LRRC37A2: variants seen among roughly 807,000 people sequenced by gnomAD.
LRRC37A2 encodes the protein leucine-rich repeat-containing protein 37A2.
In LRRC37A2, 9 loss-of-function variants were observed where a neutral mutation model predicts 68.8. The ratio of observed to expected loss-of-function variants is 0.13; its 90% confidence interval spans 0.08 to 0.23. LRRC37A2 has a LOEUF of 0.23. LRRC37A2 is among the 10% of genes least tolerant of loss of function. The pLI is 1.00. For synonymous variants in LRRC37A2, 63 were observed against 367.6 expected, an observed-to-expected ratio of 0.17 and a Z score of 9.48; for missense variants, 168 against 950.4, an observed-to-expected ratio of 0.18 and a Z score of 10.82.
At chr17:46,903,331 T>C in the LRRC37A2 span, among the ~76,000 whole-genome samples, 1 of 151,726 alleles carries the variant, frequency 6.6e-6, no homozygotes, top group Non-Finnish European at 1.5e-5. Flanking sequence ...ACTTCAGTTA[T>C]TACAGGAATT....
chr17:46,851,746 C>A, the LRRC37A2 span: 1 of 1,182,160 alleles, frequency 8.5e-7, no homozygotes, highest in Non-Finnish European at 1.1e-6. This position sits in a 1 kb window ranked among gnomAD's most constrained non-coding sequence, Gnocchi z 4.3. Flanking sequence ...CCGCCCGCTC[C>A]CCGGCCTGCC....
At chr17:46,779,053 T>TCACTCACACACACACACA in the LRRC37A2 span, among the ~76,000 whole-genome samples, 4 of 100,612 alleles carry the variant, frequency 4.0e-5, no homozygotes, top group Admixed American at 2.4e-4. Flanking sequence ...CCCTACCCCA[T>TCACTCACACACACACACA]CACACACACA....
At chr17:46,921,672 G>A in the LRRC37A2 span, among the ~76,000 whole-genome samples, 1 of 152,196 alleles carries the variant, frequency 6.6e-6, no homozygotes, top group Non-Finnish European at 1.5e-5. Flanking sequence ...AGTGGGCGAA[G>A]GATATGAACA....
the LRRC37A2 span, among the ~76,000 whole-genome samples, chr17:47,029,294 T>C: frequency 6.6e-6 from 1 of 152,062 alleles, no homozygotes; most frequent in African/African-American, 2.4e-5. Context: ...AAAAAAACTT[T>C]TGTAAAGAAA....
chr17:46,808,254 C>A, the LRRC37A2 span, among the ~76,000 whole-genome samples: 1 of 152,226 alleles, frequency 6.6e-6, no homozygotes, highest in Admixed American at 6.5e-5. Flanking sequence ...ACTGTGCAAT[C>A]CCAGCTTGAG....
At chr17:46,765,392 G>A in the LRRC37A2 span, among the ~76,000 whole-genome samples, 1 of 152,310 alleles carries the variant, frequency 6.6e-6, no homozygotes, top group Admixed American at 6.5e-5. Context: ...CACTTGTAAG[G>A]CACCAAATCA....
At chr17:46,965,026 T>A in the LRRC37A2 span, 1 of 151,908 alleles carries the variant, frequency 6.6e-6, no homozygotes, top group Non-Finnish European at 1.5e-5. Context: ...TTCACTGGAG[T>A]TTTTCACCCT....
chr17:46,835,106 C>T, the LRRC37A2 span, among the ~76,000 whole-genome samples: 2 of 152,196 alleles, frequency 1.3e-5, no homozygotes, highest in East Asian at 3.8e-4. Flanking sequence ...GTGATCCTCC[C>T]ACCTCAGCCT....
At chr17:46,848,663 T>G in the LRRC37A2 span, among the ~76,000 whole-genome samples, 1 of 152,234 alleles carries the variant, frequency 6.6e-6, no homozygotes, top group Non-Finnish European at 1.5e-5. Flanking sequence ...GGATGTATAA[T>G]GCAAAGGTGT....
the LRRC37A2 span, among the ~76,000 whole-genome samples, chr17:47,007,610 G>A: frequency 2.0e-5 from 3 of 152,192 alleles, no homozygotes; most frequent in African/African-American, 7.2e-5. Context: ...TACATCAAAT[G>A]AATCTTTGGC....
the LRRC37A2 span, chr17:46,941,007 T>C: frequency 1.8e-6 from 2 of 1,132,190 alleles, no homozygotes; most frequent in South Asian, 4.6e-5. Flanking sequence ...CACCCTCTAG[T>C]GGAGGCGGGG....
the LRRC37A2 span, among the ~76,000 whole-genome samples, chr17:46,812,575 G>A: frequency 2.0e-5 from 3 of 152,094 alleles, no homozygotes; most frequent in Non-Finnish European, 4.4e-5. Context: ...GGGGGTCGGG[G>A]AATGATTAGG....
chr17:46,809,050 G>A, the LRRC37A2 span, among the ~76,000 whole-genome samples: 2 of 152,214 alleles, frequency 1.3e-5, no homozygotes, highest in African/African-American at 4.8e-5. Flanking sequence ...GTCAGAGAGA[G>A]GAGGTGGAAG....
At chr17:46,758,955 C>G in the LRRC37A2 span, among the ~76,000 whole-genome samples, 1 of 152,176 alleles carries the variant, frequency 6.6e-6, no homozygotes, top group African/African-American at 2.4e-5. Context: ...CTTGTAATCC[C>G]AGAGCTTTGG....
chr17:46,875,022 C>A, the LRRC37A2 span: 1 of 1,608,422 alleles, frequency 6.2e-7, no homozygotes, highest in Non-Finnish European at 8.5e-7. Flanking sequence ...CCTCAGAGGG[C>A]GGCAGGCAAC....
chr17:46,874,190 G>C, the LRRC37A2 span, among the ~76,000 whole-genome samples: 5 of 152,266 alleles, frequency 3.3e-5, 1 homozygote, highest in Middle Eastern at 6.8e-3. Flanking sequence ...ACCCAGCAGA[G>C]AGGAGTGTCG....
chr17:46,958,257 C>T, the LRRC37A2 span, among the ~76,000 whole-genome samples: 1 of 152,200 alleles, frequency 6.6e-6, no homozygotes, highest in Non-Finnish European at 1.5e-5. Flanking sequence ...TCACATTTTA[C>T]AGGCATACAA....
chr17:47,000,549 G>GT, the LRRC37A2 span, among the ~76,000 whole-genome samples: 1 of 151,746 alleles, frequency 6.6e-6, no homozygotes, highest in South Asian at 2.1e-4. Flanking sequence ...TTACTTTTTT[G>GT]GGGGAAGCTT....
chr17:46,826,526 G>A, the LRRC37A2 span, among the ~76,000 whole-genome samples: 2 of 152,326 alleles, frequency 1.3e-5, no homozygotes, highest in East Asian at 3.9e-4. Flanking sequence ...AATCCTCTCT[G>A]AGTGGTTGCG....
Sources: gnomAD v4.1 joint callset for allele counts (sites outside exome capture counted in the v4.1 genomes callset) on GRCh38, gnomAD v4.1.1 for gene constraint, Gnocchi (gnomAD v3.1) non-coding constraint, MANE v1.5 for transcripts, NCBI Gene and HGNC (gene_info 2026-07-23, HGNC 2026-07-21) for gene names.